The following SORCS1 variants were observed in gnomAD, a reference collection of about 807,000 sequenced individuals.
SORCS1 encodes VPS10 domain-containing receptor SorCS1.
In SORCS1, 60 loss-of-function variants were observed where a neutral mutation model predicts 146.1. That is an observed-to-expected ratio of 0.41 (90% CI 0.33 to 0.51). The LOEUF (loss-of-function observed/expected upper bound fraction) is 0.51, where lower values mean the gene tolerates loss of function less well. SORCS1 is among the 20% of genes least tolerant of loss of function. The pLI is 0.21. For missense variants in SORCS1, 1,352 were observed against 1,487.6 expected, an observed-to-expected ratio of 0.91 and a Z score of 1.50; for synonymous variants, 637 against 584.0, an observed-to-expected ratio of 1.09 and a Z score of -1.31.
intron 3 of SORCS1, among the ~76,000 whole-genome samples, chr10:106,783,095 G>A (rs1251107230): frequency 1.3e-5 from 2 of 151,244 alleles, no homozygotes; most frequent in African/African-American, 4.8e-5. Context: ...GTGCCACTTT[G>A]AATACCTTAT....
intron 1 of SORCS1, among the ~76,000 whole-genome samples, chr10:106,992,884 C>T (rs1402696477): frequency 7.7e-6 from 1 of 130,168 alleles, no homozygotes. Flanking sequence ...CAGGCTGGAG[C>T]ACAGTGGCGC....
At chr10:106,913,728 A>T (rs1180802705) in intron 2 of SORCS1, among the ~76,000 whole-genome samples, 1 of 152,254 alleles carries the variant, frequency 6.6e-6, no homozygotes, top group Non-Finnish European at 1.5e-5. Flanking sequence ...AACTTCACAC[A>T]GAAAGATCAT....
intron 10 of SORCS1, among the ~76,000 whole-genome samples, chr10:106,681,383 C>T (rs1589651645): frequency 2.0e-5 from 3 of 152,202 alleles, no homozygotes; most frequent in Non-Finnish European, 4.4e-5. Context: ...ACAATTATAT[C>T]TCTCTAAGAA....
chr10:107,082,451 G>A (rs1269013443), intron 1 of SORCS1, among the ~76,000 whole-genome samples: 1 of 151,976 alleles, frequency 6.6e-6, no homozygotes, highest in African/African-American at 2.4e-5. Flanking sequence ...CCGAAGAAGT[G>A]GTGCTTCTCC....
In SORCS1 at chr10:107,163,976, T is replaced by C. The variant is rs769838476; in HGVS notation, c.551A>G (p.Asn184Ser). ...CAGTCCCATTCTACTCACGCTGCTG[T>C]TGTGGCCAGACCAGTGGACCATGGC... ...NQAMVHWSGH[N>S]SSVILILTKL... Residue 184 changes from asparagine (N) to serine (S), a missense_variant, in exon 1 of 26, where the codon AAC becomes AGC. Asn to Ser is a conservative substitution (Grantham distance 46). This residue lies in a region of SORCS1 where 490 missense variants were observed against 489.1 expected (regional missense o/e 1.00). Coordinates refer to ENST00000263054, the MANE Select transcript of SORCS1 (RefSeq NM_052918.5). The C allele has an allele frequency of 2.5e-6, 4 of 1,612,808 alleles. No individual in the cohort carries two copies. The South Asian group carries it at 3.3e-5, about 13-fold the overall frequency.
intron 1 of SORCS1, among the ~76,000 whole-genome samples, chr10:107,066,215 G>A (rs532917159): frequency 2.1e-4 from 32 of 152,070 alleles, no homozygotes; most frequent in African/African-American, 7.5e-4. Context: ...CCCATGCTTG[G>A]GGTTCCAAGC....
At chr10:106,842,012 A>C (rs925421480) in intron 2 of SORCS1, among the ~76,000 whole-genome samples, 1 of 152,180 alleles carries the variant, frequency 6.6e-6, no homozygotes, top group African/African-American at 2.4e-5. Flanking sequence ...CTGTCTCCCA[A>C]AGTGACTGTA....
intron 9 of SORCS1, among the ~76,000 whole-genome samples, chr10:106,696,835 G>T (rs550908592): frequency 1.8e-3 from 275 of 152,230 alleles, no homozygotes; most frequent in Non-Finnish European, 3.3e-3. Flanking sequence ...AATTAAAATG[G>T]TTTTTATTTC....
chr10:106,820,086 T>G (rs1422121223), intron 3 of SORCS1, among the ~76,000 whole-genome samples: 1 of 152,190 alleles, frequency 6.6e-6, no homozygotes, highest in Non-Finnish European at 1.5e-5. Flanking sequence ...GATATTTTCT[T>G]TTTACATATC....
At chr10:107,000,278 G>A (rs754070212) in intron 1 of SORCS1, among the ~76,000 whole-genome samples, 18 of 152,114 alleles carry the variant, frequency 1.2e-4, no homozygotes, top group South Asian at 2.1e-4. Context: ...CCCCAAAACC[G>A]GCTGAAATGT....
At chr10:106,678,978 T>G (rs1391834084) in intron 12 of SORCS1, among the ~76,000 whole-genome samples, 2 of 152,154 alleles carry the variant, frequency 1.3e-5, no homozygotes, top group Non-Finnish European at 2.9e-5. Flanking sequence ...TGGGAAAAAT[T>G]TAGTCAGACT....
chr10:106,767,115 T>C (rs149303273), intron 4 of SORCS1, among the ~76,000 whole-genome samples: 2 of 152,330 alleles, frequency 1.3e-5, no homozygotes, highest in Admixed American at 6.5e-5. Flanking sequence ...GGAGCTGATG[T>C]AGACTGGATC....
intron 16 of SORCS1, among the ~76,000 whole-genome samples, chr10:106,669,491 A>T (rs1851422102): frequency 1.3e-5 from 2 of 152,212 alleles, no homozygotes; most frequent in African/African-American, 4.8e-5. Flanking sequence ...TCTTCCTTGA[A>T]TACAGTAAAC....
intron 3 of SORCS1, among the ~76,000 whole-genome samples, chr10:106,820,172 C>A (rs1947943086): frequency 6.6e-6 from 1 of 152,168 alleles, no homozygotes; most frequent in African/African-American, 2.4e-5. Context: ...CAGATGCCAT[C>A]AATCAAGGCA....
At chr10:107,067,699 T>A (rs997057601) in intron 1 of SORCS1, among the ~76,000 whole-genome samples, 2 of 152,038 alleles carry the variant, frequency 1.3e-5, no homozygotes, top group African/African-American at 4.8e-5. Context: ...TCGGACTGAG[T>A]TCAAATACCT....
intron 6 of SORCS1, among the ~76,000 whole-genome samples, chr10:106,718,293 C>T (rs1564893093): frequency 6.6e-6 from 1 of 152,178 alleles, no homozygotes; most frequent in Non-Finnish European, 1.5e-5. Context: ...TCATGGAGAA[C>T]TGAGAAGCAC....
rs143280827 is a variant in SORCS1, at chr10:106,699,248, C to T, written c.1379G>A (p.Gly460Asp). The change falls in exon 9 of 26, where the codon GGC becomes GAC. Residue 460 changes from glycine (G) to aspartate (D), a missense_variant. Physicochemically the swap from Gly to Asp is moderately conservative, Grantham distance 94 (BLOSUM62 -1). This residue lies in a region of SORCS1 where 648 missense variants were observed against 793.8 expected (regional missense o/e 0.82). Transcript: ENST00000263054. ...GTCGATCATGATGTTGCCCTCAGGG[C>T]CTCTGCTGCTCTGGACATTCTCCAA... ...LALENVQSSRGPEGNIMIDLY... is the reference protein window; with the variant it reads ...LALENVQSSRDPEGNIMIDLY... The T allele has an allele frequency of 1.1e-5, 18 of 1,613,550 alleles. No homozygotes were observed. The Middle Eastern group carries it at 6.6e-4, about 59-fold the overall frequency.
chr10:106,718,063 G>C (rs1399568294), intron 6 of SORCS1, among the ~76,000 whole-genome samples: 1 of 152,168 alleles, frequency 6.6e-6, no homozygotes, highest in Non-Finnish European at 1.5e-5. Context: ...TGATGGAAAA[G>C]CTGAGGGAAA....
chr10:107,043,328 G>T (rs1221699311), intron 1 of SORCS1, among the ~76,000 whole-genome samples: 5 of 152,096 alleles, frequency 3.3e-5, no homozygotes, highest in Admixed American at 3.3e-4. Flanking sequence ...TCTGTCACGG[G>T]TTCTCATTCA....
Sources: allele counts gnomAD v4.1 joint callset (sites outside exome capture counted in the v4.1 genomes callset), GRCh38; gene constraint gnomAD v4.1.1; regional missense constraint gnomAD v4.1.1; transcripts MANE v1.5; gene names NCBI Gene and HGNC (gene_info 2026-07-23, HGNC 2026-07-21).